Variants in ABLIM3 observed in about 807,000 individuals in gnomAD.
ABLIM3 encodes actin binding LIM protein family member 3, also known as actin-binding LIM protein 3.
In ABLIM3, 61 loss-of-function variants were observed where a neutral mutation model predicts 109.5. That is an observed-to-expected ratio of 0.56 (90% CI 0.45 to 0.69). ABLIM3 has a LOEUF of 0.69. Ranked by LOEUF, ABLIM3 falls within the 30% of genes least tolerant of loss-of-function variation. The pLI is 0.00. For synonymous variants in ABLIM3, 300 were observed against 324.8 expected (o/e 0.92, Z 0.82); for missense variants, 796 against 889.5 (o/e 0.89, Z 1.34).
intron 5 of ABLIM3, among the ~76,000 whole-genome samples, chr5:149,203,719 T>C (rs1411673709): frequency 2.0e-5 from 3 of 151,976 alleles, no homozygotes; most frequent in Non-Finnish European, 4.4e-5. Flanking sequence ...ATTACCACCA[T>C]CATCACTGTC....
At chr5:149,167,097 A>T (rs530017515) in intron 2 of ABLIM3, among the ~76,000 whole-genome samples, 81 of 152,280 alleles carry the variant, frequency 5.3e-4, no homozygotes, top group Non-Finnish European at 9.8e-4. Flanking sequence ...TAGCATCAGG[A>T]TTTCTAGAGT....
intron 22 of ABLIM3, 146 bp from the exon 23 acceptor site, chr5:149,252,611 C>G: frequency 3.0e-6 from 2 of 677,636 alleles, no homozygotes. Flanking sequence ...GCTGGGCAAC[C>G]CCAAGAAGGG....
chr5:149,247,631 A>T, intron 17 of ABLIM3, 151 bp from the exon 18 acceptor site: 1 of 994,158 alleles, frequency 1.0e-6, no homozygotes, highest in South Asian at 1.4e-5. Context: ...AACAGGAAAC[A>T]TGGGTGCCAC....
chr5:149,196,653 C>T (rs1004011854), intron 3 of ABLIM3, among the ~76,000 whole-genome samples: 8 of 152,224 alleles, frequency 5.3e-5, no homozygotes, highest in Non-Finnish European at 1.2e-4. Flanking sequence ...CCGCAGTTGC[C>T]TTCCTCTGAT....
chr5:149,221,456 AGTTT>A (rs1185155537), intron 8 of ABLIM3, among the ~76,000 whole-genome samples: 1 of 152,034 alleles, frequency 6.6e-6, no homozygotes, highest in Non-Finnish European at 1.5e-5. Flanking sequence ...TCTTTGGGTG[AGTTT>A]GTTTGTGTTT....
In ABLIM3 at chr5:149,252,095, A is replaced by G. The variant is rs78929498; in HGVS notation, c.1850-106A>G. ...CTCTGATGGTCAAGAGAAGGAGACA[A>G]TAGAGGCCAGACCCCCTGAGAGAGT... On this transcript the variant is annotated intron_variant, in intron 21 of 23. Coordinates refer to ENST00000309868, the MANE Select transcript of ABLIM3 (RefSeq NM_014945.5). The G allele has an allele frequency of 2.6e-3, 3,516 of 1,326,880 alleles. 78 individuals carry two copies. The African/African-American group carries it at 0.046, about 18-fold the overall frequency. The allele number at this position is 1,326,880 out of a possible 1,614,324, so 82.2% of individuals were successfully genotyped here. A position where few individuals can be genotyped will look rare whatever the true frequency, so the allele number is the denominator to read the frequency against.
At chr5:149,186,829 C>T (rs1196820913) in intron 3 of ABLIM3, among the ~76,000 whole-genome samples, 1 of 150,340 alleles carries the variant, frequency 6.7e-6, no homozygotes, top group Non-Finnish European at 1.5e-5. Flanking sequence ...TACATTTAAA[C>T]AAGCTAGAAA....
intron 2 of ABLIM3, among the ~76,000 whole-genome samples, chr5:149,143,009 T>C (rs1289726514): frequency 6.6e-6 from 1 of 152,068 alleles, no homozygotes; most frequent in East Asian, 1.9e-4. Flanking sequence ...ATGACTTTGT[T>C]ATCAGTCCCC....
At chr5:149,223,397 G>A (rs1011175316) in intron 8 of ABLIM3, among the ~76,000 whole-genome samples, 2 of 152,114 alleles carry the variant, frequency 1.3e-5, no homozygotes, top group Admixed American at 6.5e-5. Context: ...TTGCCTGCTG[G>A]GCAAGTCAAG....
intron 8 of ABLIM3, among the ~76,000 whole-genome samples, chr5:149,223,553 TGGGTCGAGG>T (rs1173557606): frequency 6.6e-6 from 1 of 152,180 alleles, no homozygotes; most frequent in Non-Finnish European, 1.5e-5. Context: ...GCAGCACAGC[TGGGTCGAGG>T]GGCCCGTGAG....
At chr5:149,226,378 G>C (rs1053034596) in intron 8 of ABLIM3, among the ~76,000 whole-genome samples, 1 of 152,032 alleles carries the variant, frequency 6.6e-6, no homozygotes, top group African/African-American at 2.4e-5. Context: ...CCAGCTACTC[G>C]GGAGGCTGAG....
intron 11 of ABLIM3, among the ~76,000 whole-genome samples, chr5:149,238,450 G>C (rs1316795001): frequency 6.6e-6 from 1 of 152,122 alleles, no homozygotes; most frequent in Non-Finnish European, 1.5e-5. Context: ...AGATTCTCTG[G>C]TTTCCGGCCC....
rs1239945966 is a variant in ABLIM3 at position 149,207,091 on chromosome 5, T to G, written c.532T>G (p.Cys178Gly). Reference sequence around the variant, plus strand: ...GCAGTGGCACGTCAGCTGCTTCAAGTGCCAGACCTGCAGCGTCATCCTCAC... The same window carrying G: ...GCAGTGGCACGTCAGCTGCTTCAAGGGCCAGACCTGCAGCGTCATCCTCAC... ...DKQWHVSCFK[C>G]QTCSVILTGE... The change falls in exon 6 of 24, where the codon TGC (cysteine) becomes GGC (glycine). Residue 178 changes from cysteine to glycine, a missense_variant. By Grantham distance (159) the Cys-to-Gly change is radical (BLOSUM62 -3). Transcript: ENST00000309868. The G allele has an allele frequency of 6.2e-7, 1 of 1,614,032 alleles. No homozygotes were observed. The highest frequency in any genetic ancestry group is 1.7e-5 in the Admixed American group (1 of 59,992).
In ABLIM3 at chr5:149,183,596, G is replaced by T; in HGVS notation, c.151+7G>T. 1 of 1,528,072 alleles carries T rather than the reference G, an allele frequency of 6.5e-7. No homozygotes were observed. The highest frequency in any genetic ancestry group is 8.8e-7 in the Non-Finnish European group (1 of 1,136,904). 94.7% of individuals were successfully genotyped at this position (1,528,072 alleles called of 1,614,324 possible). On this transcript the variant is annotated splice_region_variant and intron_variant, in intron 3 of 23. Coordinates refer to ENST00000309868, the MANE Select transcript of ABLIM3 (RefSeq NM_014945.5). Reference sequence around the variant, plus strand: ...AGATGCTTCACCTGTCAAGGTAGGAGGCTCAGCTCCCCCACTCTCTTCTTA... The same window carrying T: ...AGATGCTTCACCTGTCAAGGTAGGATGCTCAGCTCCCCCACTCTCTTCTTA...
At chr5:149,172,066 G>A (rs1380876290) in intron 2 of ABLIM3, among the ~76,000 whole-genome samples, 1 of 152,058 alleles carries the variant, frequency 6.6e-6, no homozygotes, top group Non-Finnish European at 1.5e-5. Context: ...AATGACTAAT[G>A]GCTACCATTT....
intron 2 of ABLIM3, among the ~76,000 whole-genome samples, chr5:149,159,061 A>G (rs1027307934): frequency 6.6e-6 from 1 of 152,230 alleles, no homozygotes; most frequent in Non-Finnish European, 1.5e-5. Flanking sequence ...ATATCTGCAA[A>G]AAGATTTATG....
intron 2 of ABLIM3, among the ~76,000 whole-genome samples, chr5:149,142,979 ACAGTCACTT>A (rs1752620240): frequency 6.6e-6 from 1 of 152,076 alleles, no homozygotes; most frequent in Non-Finnish European, 1.5e-5. Flanking sequence ...ACCCCTATGA[ACAGTCACTT>A]CCCTGGGTCT....
chr5:149,186,249 AC>A (rs1408415174), intron 3 of ABLIM3, among the ~76,000 whole-genome samples: 3 of 152,112 alleles, frequency 2.0e-5, no homozygotes, highest in Non-Finnish European at 4.4e-5. Context: ...CCCCACCTCT[AC>A]TAAGAATACA....
At chr5:149,170,439 G>A (rs534569339) in intron 2 of ABLIM3, among the ~76,000 whole-genome samples, 6 of 152,176 alleles carry the variant, frequency 3.9e-5, no homozygotes, top group East Asian at 3.9e-4. Flanking sequence ...CCAATCATAC[G>A]GAAAGGGGAT....
Sources: gnomAD v4.1 joint callset for allele counts (sites outside exome capture counted in the v4.1 genomes callset) on GRCh38, gnomAD v4.1.1 for gene constraint, MANE v1.5 for transcripts, NCBI Gene and HGNC (gene_info 2026-07-23, HGNC 2026-07-21) for gene names.